The following HPSE2 variants were observed in gnomAD, a reference collection of about 807,000 sequenced individuals.
HPSE2 encodes inactive heparanase-2.
HPSE2 carries 38 observed loss-of-function variants against 60.5 expected under a neutral mutation model. That is an observed-to-expected ratio of 0.63 (90% CI 0.48 to 0.82). The LOEUF is 0.82. HPSE2 is among the 40% of genes least tolerant of loss of function. The pLI is 0.00. For synonymous variants in HPSE2, 295 were observed against 293.2 expected (o/e 1.01, Z -0.06); for missense variants, 713 against 740.4 (o/e 0.96, Z 0.43).
chr10:99,144,133 C>A, intron 3 of HPSE2, 105 bp downstream of exon 3: 1 of 1,133,196 alleles, frequency 8.8e-7, no homozygotes, highest in Non-Finnish European at 1.3e-6. Flanking sequence ...CAAGTCATCA[C>A]AATTTAAAAA....
chr10:98,820,283 C>T (rs530756184), intron 3 of HPSE2, among the ~76,000 whole-genome samples: 2 of 152,214 alleles, frequency 1.3e-5, no homozygotes, highest in South Asian at 2.1e-4. Flanking sequence ...TCTCCTTAAA[C>T]TTCTAGCAGA....
At chr10:99,070,474 T>C (rs1564782755) in intron 3 of HPSE2, among the ~76,000 whole-genome samples, 3 of 152,208 alleles carry the variant, frequency 2.0e-5, no homozygotes, top group African/African-American at 4.8e-5. Flanking sequence ...ACTTTGACTA[T>C]TGAGATAAAA....
intron 5 of HPSE2, among the ~76,000 whole-genome samples, chr10:98,715,900 C>T (rs1364192993): frequency 6.6e-6 from 1 of 151,958 alleles, no homozygotes; most frequent in African/African-American, 2.4e-5. Context: ...ATGTTTGCCA[C>T]ATTAAGTGAT....
chr10:98,870,017 ACT>A (rs1418496964), intron 3 of HPSE2, among the ~76,000 whole-genome samples: 2 of 152,118 alleles, frequency 1.3e-5, no homozygotes, highest in African/African-American at 4.8e-5. Context: ...GTAAGTTTTA[ACT>A]CTTCGGATTT....
At chr10:98,968,055 C>T (rs1955858448) in intron 3 of HPSE2, among the ~76,000 whole-genome samples, 1 of 152,064 alleles carries the variant, frequency 6.6e-6, no homozygotes, top group Non-Finnish European at 1.5e-5. Flanking sequence ...TATACATCCC[C>T]ACTATGTAAT....
chr10:99,159,531 G>A (rs1404122030), intron 2 of HPSE2, among the ~76,000 whole-genome samples: 1 of 152,150 alleles, frequency 6.6e-6, no homozygotes, highest in Non-Finnish European at 1.5e-5. Context: ...GGTGAAATAT[G>A]AATAAAGTCT....
At chr10:99,230,126 G>A (rs542202416) in intron 2 of HPSE2, among the ~76,000 whole-genome samples, 10 of 152,226 alleles carry the variant, frequency 6.6e-5, no homozygotes, top group Middle Eastern at 3.4e-3. Context: ...AAAGGAGTTC[G>A]GCTAGGAGCA....
intron 3 of HPSE2, among the ~76,000 whole-genome samples, chr10:98,953,950 T>A (rs1413375883): frequency 6.6e-6 from 1 of 152,186 alleles, no homozygotes; most frequent in African/African-American, 2.4e-5. Context: ...ACCAAATCTA[T>A]AATAAGCATT....
At chr10:98,619,581 C>T (rs1946017406) in intron 8 of HPSE2, among the ~76,000 whole-genome samples, 1 of 152,168 alleles carries the variant, frequency 6.6e-6, no homozygotes, top group African/African-American at 2.4e-5. Context: ...TTAAGACCTT[C>T]TGTAATTTGG....
At chr10:98,623,623 A>G (rs1457831146) in intron 7 of HPSE2, among the ~76,000 whole-genome samples, 1 of 152,226 alleles carries the variant, frequency 6.6e-6, no homozygotes, top group Admixed American at 6.5e-5. Context: ...GTTATGCTAC[A>G]TGCTAGTTGT....
At chr10:98,754,589 T>C (rs1949834857) in intron 3 of HPSE2, among the ~76,000 whole-genome samples, 1 of 150,908 alleles carries the variant, frequency 6.6e-6, no homozygotes, top group Admixed American at 6.6e-5. Context: ...TGAAAAAAAA[T>C]ATTAAAAGCA....
chr10:98,701,502 A>C, intron 5 of HPSE2, among the ~76,000 whole-genome samples: 1 of 72,576 alleles, frequency 1.4e-5, no homozygotes, highest in Non-Finnish European at 2.4e-5. Context: ...GGGTGGGGGG[A>C]GGGGGGAGGG....
At chr10:98,924,665 C>T (rs1313533040) in intron 3 of HPSE2, 1 of 152,154 alleles carries the variant, frequency 6.6e-6, no homozygotes, top group Non-Finnish European at 1.5e-5. Context: ...AGCTGCAATC[C>T]TGGGTTTGGG....
At chr10:98,585,275 T>C (rs1244572269) in intron 9 of HPSE2, among the ~76,000 whole-genome samples, 7 of 101,904 alleles carry the variant, frequency 6.9e-5, no homozygotes, top group Admixed American at 5.4e-4. Context: ...TAAAGTAGTG[T>C]CTTTTTTTTT....
intron 2 of HPSE2, among the ~76,000 whole-genome samples, chr10:99,153,326 TA>T (rs1190232942): frequency 6.6e-6 from 1 of 152,168 alleles, no homozygotes; most frequent in Non-Finnish European, 1.5e-5. Context: ...AAGACAGCAG[TA>T]AACTCTGCAG....
At chr10:98,517,208 C>T (rs1028590750) in intron 9 of HPSE2, among the ~76,000 whole-genome samples, 6 of 145,222 alleles carry the variant, frequency 4.1e-5, no homozygotes, top group South Asian at 4.4e-4. Flanking sequence ...GTGGGGGGGG[C>T]GAGGCGAGGG....
the HPSE2 span, among the ~76,000 whole-genome samples, chr10:99,309,671 A>G: frequency 3.3e-5 from 5 of 152,346 alleles, no homozygotes; most frequent in Middle Eastern, 3.4e-3. Context: ...AGAACTGAGT[A>G]TCTGCCACAA....
chr10:98,764,970 T>C (rs1377081523), intron 3 of HPSE2, among the ~76,000 whole-genome samples: 1 of 152,130 alleles, frequency 6.6e-6, no homozygotes, highest in Non-Finnish European at 1.5e-5. Context: ...AACAGGTCAA[T>C]TCACAAACAA....
intron 9 of HPSE2, among the ~76,000 whole-genome samples, chr10:98,536,624 T>C (rs1428061348): frequency 1.3e-5 from 2 of 152,184 alleles, no homozygotes; most frequent in Admixed American, 1.3e-4. Flanking sequence ...AGAAGATTCA[T>C]AGCTCTGAAT....
Sources: gnomAD v4.1 joint callset for allele counts (sites outside exome capture counted in the v4.1 genomes callset) on GRCh38, gnomAD v4.1.1 for gene constraint, MANE v1.5 for transcripts, NCBI Gene and HGNC (gene_info 2026-07-23, HGNC 2026-07-21) for gene names.